Variants in ITPK1 observed in about 807,000 individuals in gnomAD.
ITPK1 encodes inositol 1,3,4-trisphosphate 5/6-kinase.
A neutral mutation model predicts 45.3 loss-of-function variants in ITPK1; 21 were observed. The observed-to-expected ratio is 0.46, with a 90% CI of 0.33 to 0.67. The LOEUF (loss-of-function observed/expected upper bound fraction) is 0.67, where lower values mean the gene tolerates loss of function less well. ITPK1 is among the 30% of genes least tolerant of loss of function. The probability of loss-of-function intolerance (pLI) is 0.02; values close to 1 mark genes in which losing one functional copy is unlikely to be tolerated. For synonymous variants in ITPK1, 258 were observed against 253.6 expected (o/e 1.02, Z -0.16); for missense variants, 474 against 573.5 (o/e 0.83, Z 1.77).
chr14:92,956,735 T>C (rs1884753331), intron 8 of ITPK1, among the ~76,000 whole-genome samples: 1 of 152,018 alleles, frequency 6.6e-6, no homozygotes, highest in Non-Finnish European at 1.5e-5. Flanking sequence ...TAATTTAATA[T>C]ATTTTCCATA....
intron 3 of ITPK1, among the ~76,000 whole-genome samples, chr14:93,045,207 G>T (rs1156865707): frequency 6.6e-6 from 1 of 152,238 alleles, no homozygotes; most frequent in Non-Finnish European, 1.5e-5. Flanking sequence ...GCAGAGGCCA[G>T]TTACCCCTCT....
chr14:93,007,377 C>T (rs1183230164), intron 4 of ITPK1, among the ~76,000 whole-genome samples: 4 of 151,394 alleles, frequency 2.6e-5, no homozygotes, highest in African/African-American at 4.9e-5. Flanking sequence ...GTCGCCCGGC[C>T]GAGTCTGACT....
chr14:93,078,700 C>T (rs1170201478), intron 2 of ITPK1, among the ~76,000 whole-genome samples: 1 of 152,174 alleles, frequency 6.6e-6, no homozygotes, highest in Non-Finnish European at 1.5e-5. Context: ...ACCTGTGCTA[C>T]ACCCAACCAC....
At chr14:92,994,802 C>T (rs746901616) in intron 4 of ITPK1, among the ~76,000 whole-genome samples, 10 of 152,126 alleles carry the variant, frequency 6.6e-5, no homozygotes, top group African/African-American at 1.2e-4. Context: ...CCAGCTGCTG[C>T]GGGTTGAATT....
intron 3 of ITPK1, among the ~76,000 whole-genome samples, chr14:93,049,979 T>TTC (rs1005229609): frequency 5.9e-5 from 9 of 152,036 alleles, no homozygotes; most frequent in Admixed American, 2.0e-4. Flanking sequence ...TTGGCAAAGG[T>TTC]TCTAGGCCTG....
At chr14:93,006,600 G>A (rs980341801) in intron 4 of ITPK1, among the ~76,000 whole-genome samples, 2 of 152,202 alleles carry the variant, frequency 1.3e-5, no homozygotes, top group East Asian at 3.9e-4. Flanking sequence ...TCCCATGGGG[G>A]CTACTGAGGC....
chr14:93,067,025 G>A (rs1050871993), intron 3 of ITPK1, among the ~76,000 whole-genome samples: 2 of 152,156 alleles, frequency 1.3e-5, no homozygotes, highest in African/African-American at 2.4e-5. Flanking sequence ...GATTCCCTAG[G>A]ATCACACTCT....
intron 7 of ITPK1, 107 bp downstream of exon 7, chr14:92,962,248 A>G: frequency 1.2e-6 from 1 of 848,588 alleles, no homozygotes; most frequent in South Asian, 1.4e-5. Flanking sequence ...CAGGACTAAC[A>G]GCAGGGCAGG....
intron 3 of ITPK1, among the ~76,000 whole-genome samples, chr14:93,058,197 T>C (rs1056958302): frequency 5.3e-5 from 8 of 151,530 alleles, no homozygotes; most frequent in South Asian, 4.2e-4. Flanking sequence ...CAATCATAAA[T>C]TGATGACAGA....
chr14:93,028,710 G>A (rs1021892522), intron 3 of ITPK1, among the ~76,000 whole-genome samples: 5 of 152,282 alleles, frequency 3.3e-5, no homozygotes, highest in African/African-American at 9.6e-5. Context: ...CAGACCCTCC[G>A]GAACCTCAGC....
At chr14:93,094,418 G>C (rs1478935948) in intron 2 of ITPK1, among the ~76,000 whole-genome samples, 6 of 152,192 alleles carry the variant, frequency 3.9e-5, no homozygotes, top group African/African-American at 1.4e-4. Context: ...CCAGCAAGCA[G>C]TGCCAGCTGC....
intron 3 of ITPK1, among the ~76,000 whole-genome samples, chr14:93,050,708 G>A (rs1389518279): frequency 6.6e-6 from 1 of 152,026 alleles, no homozygotes; most frequent in Non-Finnish European, 1.5e-5. Context: ...GAGAGATGGG[G>A]TCAGGTGAGG....
At chr14:92,967,179 A>T (rs1464548217) in intron 5 of ITPK1, among the ~76,000 whole-genome samples, 1 of 152,260 alleles carries the variant, frequency 6.6e-6, no homozygotes, top group Non-Finnish European at 1.5e-5. Flanking sequence ...AATATTTGCA[A>T]ATCATGAGAA....
chr14:92,961,720 A>G (rs578139327), intron 7 of ITPK1, among the ~76,000 whole-genome samples: 15 of 152,266 alleles, frequency 9.9e-5, no homozygotes, highest in African/African-American at 2.9e-4. Context: ...AAGCTCCCCT[A>G]TGGACTGAAC....
At chr14:92,976,186 C>G (rs972596745) in intron 5 of ITPK1, among the ~76,000 whole-genome samples, 7 of 152,220 alleles carry the variant, frequency 4.6e-5, no homozygotes, top group African/African-American at 1.7e-4. Context: ...ACCACCAGCT[C>G]TCCTAGGTCT....
At chr14:92,959,624 C>T (rs1358749134) in intron 7 of ITPK1, among the ~76,000 whole-genome samples, 6 of 152,248 alleles carry the variant, frequency 3.9e-5, no homozygotes, top group African/African-American at 1.4e-4. Context: ...GGCTGGGCCC[C>T]CACCCTGCTT....
chr14:92,939,798 C>T lies in ITPK1; in HGVS notation c.*1763G>A, dbSNP rs1595066665. On this transcript the variant is annotated 3_prime_UTR_variant, in exon 11 of 11. Coordinates refer to ENST00000267615, the MANE Select transcript of ITPK1 (RefSeq NM_014216.6). ...TAAAAGGTAAAGCTGTTTTATTAAACGTCTTTTAAGGACTGGGAGTATGAC... is the reference window on the plus strand; with the variant it reads ...TAAAAGGTAAAGCTGTTTTATTAAATGTCTTTTAAGGACTGGGAGTATGAC... The T allele has an allele frequency of 6.1e-6, 6 of 985,568 alleles. No homozygotes were observed. Among genetic ancestry groups the T allele is most frequent in the South Asian group, 9.4e-5 (2 of 21,290 alleles). 61.1% of individuals were successfully genotyped at this position (985,568 alleles called of 1,614,324 possible).
chr14:92,956,413 G>A (rs142125709), intron 8 of ITPK1, among the ~76,000 whole-genome samples: 77 of 151,924 alleles, frequency 5.1e-4, no homozygotes, highest in African/African-American at 1.6e-3. Flanking sequence ...CTACAGGCAT[G>A]AGCCACCACG....
chr14:93,033,921 C>A (rs1677990243), intron 3 of ITPK1, among the ~76,000 whole-genome samples: 1 of 152,004 alleles, frequency 6.6e-6, no homozygotes, highest in South Asian at 2.1e-4. Context: ...AGCAGGACTG[C>A]ACAGCAGCTG....
Sources: gnomAD v4.1 joint callset for allele counts (sites outside exome capture counted in the v4.1 genomes callset) on GRCh38, gnomAD v4.1.1 for gene constraint, MANE v1.5 for transcripts, NCBI Gene and HGNC (gene_info 2026-07-23, HGNC 2026-07-21) for gene names.